Variants in DCC observed in about 807,000 individuals in gnomAD.
DCC encodes the protein netrin receptor DCC.
A neutral mutation model predicts 172.5 loss-of-function variants in DCC; 58 were observed. The ratio of observed to expected loss-of-function variants is 0.34; its 90% CI spans 0.27 to 0.42. DCC has a LOEUF of 0.42. DCC is among the 10% of genes least tolerant of loss of function. The probability of loss-of-function intolerance (pLI) is 1.00; values close to 1 mark genes in which losing one functional copy is unlikely to be tolerated. For synonymous variants in DCC, 709 were observed against 644.5 expected, an observed-to-expected ratio of 1.10 and a Z score of -1.52; for missense variants, 1,740 against 1,791.0, an observed-to-expected ratio of 0.97 and a Z score of 0.51.
intron 5 of DCC, among the ~76,000 whole-genome samples, chr18:52,968,761 G>T (rs1404704289): frequency 6.6e-6 from 1 of 152,006 alleles, no homozygotes; most frequent in African/African-American, 2.4e-5. Context: ...AAAATAATTT[G>T]CATCTTAAAT....
At chr18:53,468,516 G>T (rs2045655042) in intron 25 of DCC, among the ~76,000 whole-genome samples, 1 of 151,900 alleles carries the variant, frequency 6.6e-6, no homozygotes, top group Admixed American at 6.6e-5. Context: ...CCAAGAAGCT[G>T]GGACTACAGG....
chr18:52,693,104 G>T (rs72914245), intron 1 of DCC, among the ~76,000 whole-genome samples: 38,664 of 151,574 alleles, frequency 0.26, 5,539 homozygotes, highest in East Asian at 0.35. Flanking sequence ...ATTTCTTAAC[G>T]TTAGGGAAGT....
chr18:52,892,855 C>T (rs1321676866), intron 2 of DCC, among the ~76,000 whole-genome samples: 2 of 152,056 alleles, frequency 1.3e-5, no homozygotes, highest in Non-Finnish European at 2.9e-5. Flanking sequence ...ATTTTATTAG[C>T]TCCAATTTTC....
chr18:52,526,128 G>A (rs1329416144), intron 1 of DCC, among the ~76,000 whole-genome samples: 1 of 152,216 alleles, frequency 6.6e-6, no homozygotes, highest in Non-Finnish European at 1.5e-5. Context: ...GGTGTGAGTT[G>A]AGCAAAGACA....
chr18:52,496,553 G>T (rs2144615443), intron 1 of DCC, among the ~76,000 whole-genome samples: 1 of 152,216 alleles, frequency 6.6e-6, no homozygotes, highest in Admixed American at 6.5e-5. Flanking sequence ...CACATTTGTA[G>T]TTCACAAGTT....
Position 53,533,218 on chromosome 18 carries a change from C to T in DCC, c.*2565C>T, listed in dbSNP as rs1165114946. Reference sequence around the variant, plus strand: ...TCAGGTAACTTATTAATTTCCCAGTCTCCTGATCTCTTGACAAGAAGAAAC... The same window carrying T: ...TCAGGTAACTTATTAATTTCCCAGTTTCCTGATCTCTTGACAAGAAGAAAC... On this transcript the variant is annotated 3_prime_UTR_variant, in exon 29 of 29. Transcript: ENST00000442544. The T allele has an allele frequency of 6.6e-6, 1 of 152,154 alleles. No homozygotes were observed. The highest frequency in any genetic ancestry group is 6.5e-5 in the Admixed American group (1 of 15,274). The allele number at this position is 152,154 out of a possible 1,614,324, so 9.4% of individuals were successfully genotyped here. A position where few individuals can be genotyped will look rare whatever the true frequency, so the allele number is the denominator to read the frequency against.
intron 2 of DCC, among the ~76,000 whole-genome samples, chr18:52,827,373 T>C (rs1598843897): frequency 6.6e-6 from 1 of 152,152 alleles, no homozygotes; most frequent in African/African-American, 2.4e-5. Flanking sequence ...ATGGCTGAGG[T>C]GATTTTGATA....
At chr18:52,403,614 A>G (rs1312452616) in intron 1 of DCC, among the ~76,000 whole-genome samples, 1 of 152,040 alleles carries the variant, frequency 6.6e-6, no homozygotes, top group Non-Finnish European at 1.5e-5. Flanking sequence ...ACTAGATTCT[A>G]TGAAAAACTA....
intron 5 of DCC, among the ~76,000 whole-genome samples, chr18:52,992,812 C>A (rs545026412): frequency 7.4e-4 from 113 of 152,030 alleles, no homozygotes; most frequent in African/African-American, 2.3e-3. Context: ...CACATCTCTA[C>A]CAAAATTACA....
chr18:53,066,295 G>A (rs556718923), intron 7 of DCC, 129 bp downstream of exon 7: 26 of 751,602 alleles, frequency 3.5e-5, no homozygotes, highest in African/African-American at 3.1e-4. Context: ...GTTAATTAAG[G>A]TGTATACTTG....
intron 1 of DCC, among the ~76,000 whole-genome samples, chr18:52,672,079 C>T (rs377566250): frequency 5.9e-5 from 9 of 152,106 alleles, no homozygotes; most frequent in South Asian, 2.1e-4. Flanking sequence ...TAGTGTCCAC[C>T]GCCTAATATT....
intron 25 of DCC, among the ~76,000 whole-genome samples, chr18:53,470,011 T>C (rs2045676116): frequency 1.3e-5 from 2 of 152,150 alleles, no homozygotes; most frequent in African/African-American, 4.8e-5. Context: ...CCTGGTTTTC[T>C]TCCTACCCTT....
At chr18:52,892,695 G>A (rs975411217) in intron 2 of DCC, among the ~76,000 whole-genome samples, 2 of 152,052 alleles carry the variant, frequency 1.3e-5, no homozygotes, top group South Asian at 2.1e-4. Context: ...TCTGGGTCAG[G>A]TTATCAAAAA....
chr18:52,827,346 G>A (rs1044861733), intron 2 of DCC, among the ~76,000 whole-genome samples: 6 of 152,182 alleles, frequency 3.9e-5, no homozygotes, highest in Admixed American at 1.3e-4. Flanking sequence ...GGGAGGGACC[G>A]AAAACAGCAT....
intron 12 of DCC, among the ~76,000 whole-genome samples, chr18:53,287,326 T>C (rs2056948067): frequency 1.3e-5 from 2 of 152,214 alleles, no homozygotes; most frequent in African/African-American, 4.8e-5. Flanking sequence ...TTCCTTTTGA[T>C]GGCTAAATTA....
At chr18:53,177,680 T>G (rs1210510583) in intron 8 of DCC, among the ~76,000 whole-genome samples, 1 of 152,216 alleles carries the variant, frequency 6.6e-6, no homozygotes, top group Non-Finnish European at 1.5e-5. Flanking sequence ...ATTACCCATG[T>G]GCAGTTTATT....
At chr18:52,386,866 G>A (rs994370025) in intron 1 of DCC, among the ~76,000 whole-genome samples, 2 of 152,020 alleles carry the variant, frequency 1.3e-5, no homozygotes, top group African/African-American at 4.8e-5. Context: ...TAAGCTCAAT[G>A]TCCTCATTGA....
chr18:52,779,588 A>G (rs1310940513), intron 2 of DCC, among the ~76,000 whole-genome samples: 3 of 152,252 alleles, frequency 2.0e-5, no homozygotes, highest in Admixed American at 2.0e-4. Flanking sequence ...AGTCTTTGCT[A>G]TTGTGAATGG....
At chr18:53,172,952 T>G (rs981149752) in intron 8 of DCC, among the ~76,000 whole-genome samples, 5 of 152,120 alleles carry the variant, frequency 3.3e-5, no homozygotes, top group Non-Finnish European at 7.4e-5. Flanking sequence ...TTTCTATATG[T>G]AAAATAATGA....
Sources: allele counts gnomAD v4.1 joint callset (sites outside exome capture counted in the v4.1 genomes callset), GRCh38; gene constraint gnomAD v4.1.1; transcripts MANE v1.5; gene names NCBI Gene and HGNC (gene_info 2026-07-23, HGNC 2026-07-21).